NGLY1: variants seen among roughly 807,000 people sequenced by gnomAD.
NGLY1 encodes peptide-N(4)-(N-acetyl-beta-glucosaminyl)asparagine amidase.
A neutral mutation model predicts 84.6 loss-of-function variants in NGLY1; 68 were observed. The observed-to-expected ratio is 0.80, with a 90% CI of 0.66 to 0.98. NGLY1 has a LOEUF of 0.98. Ranked by LOEUF, NGLY1 falls within the 50% of genes least tolerant of loss-of-function variation. The pLI is 0.00. For missense variants in NGLY1, 779 were observed against 770.2 expected, an observed-to-expected ratio of 1.01 and a Z score of -0.14; for synonymous variants, 280 against 275.2, an observed-to-expected ratio of 1.02 and a Z score of -0.17.
In NGLY1 at chr3:25,732,632, TAAA is replaced by T. The variant is rs563624865; in HGVS notation, c.1261-152_1261-150del. ...TTTCAAACATATATTATTCAGAAAA[TAAA>T]AAGGACACTGTGGAAAACTTAAATA... On this transcript the variant is annotated intron_variant, in intron 8 of 11. Coordinates refer to ENST00000280700, the MANE Select transcript of NGLY1 (RefSeq NM_018297.4). The T allele has an allele frequency of 1.2e-3, 683 of 551,708 alleles. 10 individuals are homozygous for T. The South Asian group carries it at 0.022, about 18-fold the overall frequency. The allele number at this position is 551,708 out of a possible 1,614,324, so 34.2% of individuals were successfully genotyped here.
chr3:25,739,607 T>C lies in NGLY1; in HGVS notation c.851A>G (p.Asp284Gly). Residue 284 changes from aspartate to glycine, a missense_variant, in exon 5 of 12, where the codon GAT (aspartate) becomes GGT (glycine). By Grantham distance (94) the Asp-to-Gly change is moderately conservative. Transcript: ENST00000280700. ...GAKEVEDHYCDACQFSNRFPR... is the reference protein window; with the variant it reads ...GAKEVEDHYCGACQFSNRFPR... ...GAATCGATTGCTGAACTGGCAGGCATCACAGTAATGATCTTCCACTTCCTT... is the reference window on the plus strand; with the variant it reads ...GAATCGATTGCTGAACTGGCAGGCACCACAGTAATGATCTTCCACTTCCTT... 6.2e-7 allele frequency: 1 copy of C among 1,614,142 alleles called. No homozygotes were observed. The highest frequency in any genetic ancestry group is 8.5e-7 in the Non-Finnish European group (1 of 1,180,004).
rs1707450892 is a variant in NGLY1, at chr3:25,764,229, C to A, written c.329G>T (p.Ser110Ile). 4 of 1,614,122 alleles carry A rather than the reference C, an allele frequency of 2.5e-6. No homozygotes were observed. The highest frequency in any genetic ancestry group is 3.4e-6 in the Non-Finnish European group (4 of 1,180,042). ...CTTATTTGAGCCATCCAGTCTGCTA[C>A]TTCTCTCTATGGCAATCAGGTCACG... ...KIRDLIAIER[S>I]SRLDGSNKSH... The change falls in exon 3 of 12, where the codon AGT becomes ATT. Residue 110 changes from serine (S) to isoleucine (I), a missense_variant. By Grantham distance (142) the Ser-to-Ile change is moderately radical. Coordinates refer to ENST00000280700, the MANE Select transcript of NGLY1 (RefSeq NM_018297.4).
At chr3:25,787,723 G>T (rs150126311), upstream of NGLY1, among the ~76,000 whole-genome samples, 3 of 152,134 alleles carry the variant, frequency 2.0e-5, no homozygotes, top group Non-Finnish European at 4.4e-5. Flanking sequence ...TCTGAACTAC[G>T]GGATTAAATC....
In NGLY1 at chr3:25,767,621, A is replaced by G. The variant is rs531928938; in HGVS notation, c.247-3310T>C. Among the ~76,000 whole-genome samples the G allele has an allele frequency of 3.3e-5, 5 of 152,330 alleles. No individual in the cohort carries two copies. In the East Asian group the frequency reaches 9.7e-4, roughly 29 times the overall value. ...TTCAACATCACTCTCAGAAACTGTC[A>G]TAAAAAAGAATGCAGCCTCAGAGAC... On this transcript the variant is annotated intron_variant, in intron 2 of 11. Transcript: ENST00000280700.
At position 25,783,368 on chromosome 3, in the gene NGLY1, C is replaced by T; in HGVS notation, c.23G>A (p.Ser8Asn). The part of the protein sequence containing the change: MAAAALG[S>N]SSGSASPAVA... ...GGCCGGGGACGCCGAGCCTGAGGAGCTGCCCAATGCCGCCGCCGCCATGCT... is the reference window on the plus strand; with the variant it reads ...GGCCGGGGACGCCGAGCCTGAGGAGTTGCCCAATGCCGCCGCCGCCATGCT... Residue 8 changes from serine to asparagine, a missense_variant, in exon 1 of 12, where the codon AGC becomes AAC. Ser to Asn is a conservative substitution (Grantham distance 46). Coordinates refer to ENST00000280700, the MANE Select transcript of NGLY1 (RefSeq NM_018297.4). This position sits in a 1 kb window ranked among gnomAD's most constrained non-coding sequence, Gnocchi z 4.5. 2 of 1,550,168 alleles carry T rather than the reference C, an allele frequency of 1.3e-6. No homozygotes were observed. Among genetic ancestry groups the T allele is most frequent in the Non-Finnish European group, 1.7e-6 (2 of 1,149,446 alleles).
At chr3:25,748,349 C>T (rs1193585913) in intron 4 of NGLY1, among the ~76,000 whole-genome samples, 2 of 152,092 alleles carry the variant, frequency 1.3e-5, no homozygotes, top group Non-Finnish European at 2.9e-5. Context: ...ATGAGGAGTT[C>T]TTAGGGAAGC....
rs780587506 is a variant in NGLY1, at chr3:25,789,899, T to C, written c.-34A>G. 82 of 1,551,490 alleles carry C rather than the reference T, an allele frequency of 5.3e-5. No homozygotes were observed. In the African/African-American group the frequency reaches 9.2e-4, roughly 17 times the overall value. On this transcript the variant is annotated 5_prime_UTR_variant, in exon 1 of 12. Coordinates refer to the NGLY1 transcript ENST00000417874. ...TGGCAGGTCCTCGATTATCGGCGAG[T>C]CACTGAGGTTCCGAGAGGGGCGTCT...
At chr3:25,755,786 C>A (rs549862580) in intron 3 of NGLY1, 6 of 677,542 alleles carry the variant, frequency 8.9e-6, no homozygotes, top group African/African-American at 5.4e-5. Context: ...AAAAGACTTT[C>A]ATATTAGTTA....
chr3:25,744,433 C>T (rs1279552620), intron 4 of NGLY1, among the ~76,000 whole-genome samples: 1 of 152,132 alleles, frequency 6.6e-6, no homozygotes, highest in African/African-American at 2.4e-5. Flanking sequence ...AAACACTTTC[C>T]CCAGTCCATA....
Position 25,783,375 on chromosome 3 carries a change from A to C in NGLY1, c.16T>G (p.Leu6Val), listed in dbSNP as rs1481308931. MAAAA[L>V]GSSSGSASPA... Reference sequence around the variant, plus strand: ...GACGCCGAGCCTGAGGAGCTGCCCAATGCCGCCGCCGCCATGCTTGAGCGC... The same window carrying C: ...GACGCCGAGCCTGAGGAGCTGCCCACTGCCGCCGCCGCCATGCTTGAGCGC... The change falls in exon 1 of 12, where the codon TTG becomes GTG. Residue 6 changes from leucine to valine, a missense_variant. Transcript: ENST00000280700. This position sits in a 1 kb window ranked among gnomAD's most constrained non-coding sequence, Gnocchi z 4.5. 6.5e-7 allele frequency: 1 copy of C among 1,544,548 alleles called. No individual in the cohort carries two copies. Among genetic ancestry groups the C allele is most frequent in the East Asian group, 2.5e-5 (1 of 39,400 alleles).
intron 4 of NGLY1, among the ~76,000 whole-genome samples, chr3:25,744,925 C>G (rs899659361): frequency 1.3e-5 from 2 of 152,138 alleles, no homozygotes; most frequent in African/African-American, 4.8e-5. Context: ...TTGATGATAG[C>G]TCACCATTAG....
At chr3:25,769,501 T>C (rs1397157308) in intron 2 of NGLY1, among the ~76,000 whole-genome samples, 1 of 152,106 alleles carries the variant, frequency 6.6e-6, no homozygotes, top group Admixed American at 6.5e-5. Flanking sequence ...AAAACCACAA[T>C]GAGATATTAT....
intron 3 of NGLY1, among the ~76,000 whole-genome samples, chr3:25,759,548 T>C (rs1707202701): frequency 6.6e-6 from 1 of 152,194 alleles, no homozygotes; most frequent in Admixed American, 6.5e-5. Context: ...ATAAAGTTTA[T>C]ATTCTTGCCT....
intron 2 of NGLY1, among the ~76,000 whole-genome samples, chr3:25,771,610 T>C (rs1045168292): frequency 1.3e-5 from 2 of 152,074 alleles, no homozygotes; most frequent in South Asian, 2.1e-4. Flanking sequence ...AATTTGGAGA[T>C]TGCTTTTGGT....
intron 2 of NGLY1, among the ~76,000 whole-genome samples, chr3:25,773,216 A>T (rs1299707148): frequency 1.3e-5 from 2 of 152,160 alleles, no homozygotes; most frequent in African/African-American, 4.8e-5. Flanking sequence ...TATTCCCTCA[A>T]ATATGTCTTC....
chr3:25,764,415 G>T, intron 2 of NGLY1, 104 bp from the exon 3 acceptor site: 2 of 1,203,926 alleles, frequency 1.7e-6, no homozygotes, highest in Non-Finnish European at 2.3e-6. Flanking sequence ...AATATAGAAT[G>T]CATGTTTCTA....
chr3:25,765,364 G>A (rs1228060191), intron 2 of NGLY1, among the ~76,000 whole-genome samples: 2 of 151,768 alleles, frequency 1.3e-5, no homozygotes, highest in Non-Finnish European at 1.5e-5. Flanking sequence ...GGAGGCTGAG[G>A]CAGGAGAATT....
At chr3:25,775,961 C>A (rs1484095815) in intron 2 of NGLY1, among the ~76,000 whole-genome samples, 1 of 152,120 alleles carries the variant, frequency 6.6e-6, no homozygotes, top group Non-Finnish European at 1.5e-5. Flanking sequence ...CACCTGTACC[C>A]CATAATGTAC....
intron 8 of NGLY1, 72 bp downstream of exon 8, chr3:25,733,800 G>T: frequency 2.3e-6 from 2 of 876,270 alleles, no homozygotes; most frequent in Non-Finnish European, 3.5e-6. Flanking sequence ...ATTTCAATAG[G>T]CTAATAAACG....
Sources: allele counts gnomAD v4.1 joint callset (sites outside exome capture counted in the v4.1 genomes callset), GRCh38; gene constraint gnomAD v4.1.1; non-coding constraint Gnocchi (gnomAD v3.1); transcripts MANE v1.5; gene names NCBI Gene and HGNC (gene_info 2026-07-23, HGNC 2026-07-21).